The following WNK1 variants were observed in gnomAD, a reference collection of about 807,000 sequenced individuals.
WNK1 encodes serine/threonine-protein kinase WNK1.
In WNK1, 38 loss-of-function variants were observed where a neutral mutation model predicts 222.8. That is an observed-to-expected ratio of 0.17 (90% CI 0.13 to 0.22). WNK1 has a LOEUF of 0.22. WNK1 is among the 10% of genes least tolerant of loss of function. The pLI, the probability that WNK1 is intolerant of heterozygous loss-of-function variation, is 1.00. For synonymous variants in WNK1, 1,090 were observed against 1,092.9 expected, an observed-to-expected ratio of 1.00 and a Z score of 0.05; for missense variants, 2,348 against 2,918.4, an observed-to-expected ratio of 0.80 and a Z score of 4.50.
chr12:844,170 C>T (rs770333507), intron 4 of WNK1, among the ~76,000 whole-genome samples: 23 of 151,332 alleles, frequency 1.5e-4, no homozygotes, highest in Non-Finnish European at 2.8e-4. Flanking sequence ...CTTGCTCTGT[C>T]GCCCAGGCTG....
At chr12:776,412 TTGTG>T (rs59148357) in intron 1 of WNK1, among the ~76,000 whole-genome samples, 9,505 of 146,136 alleles carry the variant, frequency 0.065, 363 homozygotes, top group African/African-American at 0.083. Flanking sequence ...GTTTGTGTGT[TTGTG>T]TGTGTGTGTG....
chr12:861,784 C>T (rs1317817850), intron 7 of WNK1, among the ~76,000 whole-genome samples: 1 of 152,148 alleles, frequency 6.6e-6, no homozygotes, highest in Non-Finnish European at 1.5e-5. Context: ...ATACTGAGAA[C>T]CTCCTGGCCT....
At chr12:755,766 G>C (rs190981558) in intron 1 of WNK1, among the ~76,000 whole-genome samples, 81 of 152,304 alleles carry the variant, frequency 5.3e-4, no homozygotes, top group African/African-American at 1.8e-3. Flanking sequence ...CACGGGGTTA[G>C]GAGTTCGAGA....
At chr12:861,933 C>A in intron 7 of WNK1, 150 bp from the exon 8 acceptor site, 1 of 876,638 alleles carries the variant, frequency 1.1e-6, no homozygotes, top group Non-Finnish European at 1.8e-6. Context: ...CTGAATATGG[C>A]TACAATTCAT....
At position 911,094 on chromosome 12, in the gene WNK1, G is replaced by A; in HGVS notation, c.*2302G>A. On this transcript the variant is annotated 3_prime_UTR_variant, in exon 28 of 28. Transcript: ENST00000315939. ...TCATACACAAAAAAAGTCAGAACTG[G>A]TGTTATTTACTGTTGATTTCATCCT... 1 of 391,970 alleles carries A rather than the reference G, an allele frequency of 2.6e-6. No homozygotes were observed. Among genetic ancestry groups the A allele is most frequent in the Non-Finnish European group, 4.5e-6 (1 of 222,752 alleles). The allele number at this position is 391,970 out of a possible 1,614,324, so 24.3% of individuals were successfully genotyped here. A position where few individuals can be genotyped will look rare whatever the true frequency, so the allele number is the denominator to read the frequency against.
chr12:809,288 T>G (rs1208739203), intron 1 of WNK1, among the ~76,000 whole-genome samples: 5 of 144,294 alleles, frequency 3.5e-5, no homozygotes, highest in Non-Finnish European at 7.5e-5. Context: ...TATTTCAGAA[T>G]GATAGGTAAA....
chr12:849,395 C>T (rs1950254760), intron 4 of WNK1, among the ~76,000 whole-genome samples: 1 of 152,152 alleles, frequency 6.6e-6, no homozygotes. Context: ...GCTGTTTCTA[C>T]AATCTTTGTT....
chr12:855,530 A>G (rs1210350704), intron 4 of WNK1, among the ~76,000 whole-genome samples: 2 of 152,178 alleles, frequency 1.3e-5, no homozygotes, highest in Non-Finnish European at 2.9e-5. Flanking sequence ...CATTTCTGTG[A>G]TTTATTAGTC....
At chr12:825,989 A>G (rs1185522909) in intron 2 of WNK1, among the ~76,000 whole-genome samples, 2 of 152,140 alleles carry the variant, frequency 1.3e-5, no homozygotes, top group African/African-American at 4.8e-5. Context: ...TTCTTTTAGC[A>G]TACTTGGGCT....
At chr12:807,006 C>A (rs757321680) in intron 1 of WNK1, among the ~76,000 whole-genome samples, 1 of 152,058 alleles carries the variant, frequency 6.6e-6, no homozygotes, top group Non-Finnish European at 1.5e-5. Context: ...TGGGCTAGAT[C>A]TCCCTATAAA....
chr12:841,825 G>A (rs1949650377), intron 4 of WNK1, among the ~76,000 whole-genome samples: 1 of 152,112 alleles, frequency 6.6e-6, no homozygotes, highest in African/African-American at 2.4e-5. Context: ...CATATTATAA[G>A]GGCAGTAATC....
intron 27 of WNK1, chr12:908,266 C>G: frequency 1.3e-6 from 1 of 748,794 alleles, no homozygotes; most frequent in Non-Finnish European, 2.2e-6. Flanking sequence ...TCATCCTCAA[C>G]TACACACACA....
At chr12:767,923 C>T (rs980573111) in intron 1 of WNK1, among the ~76,000 whole-genome samples, 11 of 152,198 alleles carry the variant, frequency 7.2e-5, no homozygotes, top group African/African-American at 2.4e-4. Context: ...GCTTCAACGA[C>T]GTAACTGAGA....
intron 1 of WNK1, among the ~76,000 whole-genome samples, chr12:811,731 T>C (rs1185130540): frequency 6.6e-6 from 1 of 152,146 alleles, no homozygotes; most frequent in Admixed American, 6.6e-5. Context: ...TATTCAGTTA[T>C]AGATGGAACA....
At position 794,570 on chromosome 12, in the gene WNK1, G is replaced by T. The variant is rs141444982; in HGVS notation, c.760-19072G>T. Among the ~76,000 whole-genome samples the T allele has an allele frequency of 4.7e-3, 708 of 150,962 alleles. 7 individuals are homozygous for T. The highest frequency in any genetic ancestry group is 0.016 in the African/African-American group (665 of 41,104). ...TTTTTCTGTGTCTATGGAGATAATC[G>T]TATGGGCTTTGTACTGTATGGGGTG... On this transcript the variant is annotated intron_variant, in intron 1 of 27. Coordinates refer to ENST00000315939, the MANE Select transcript of WNK1 (RefSeq NM_018979.4).
chr12:862,152 C>G lies in WNK1; in HGVS notation c.2021C>G (p.Thr674Arg), dbSNP rs1249953042. ...GAATCTCGAGTGAGCAGCCAACAGA[C>G]AGTTTCATATGGTTCCCAACATGAA... ...FTESRVSSQQTVSYGSQHEQA... is the reference protein window; with the variant it reads ...FTESRVSSQQRVSYGSQHEQA... Residue 674 changes from threonine to arginine, a missense_variant, in exon 8 of 28, where the codon ACA (threonine) becomes AGA (arginine). Coordinates refer to ENST00000315939, the MANE Select transcript of WNK1 (RefSeq NM_018979.4). 3 of 1,613,948 alleles carry G rather than the reference C, an allele frequency of 1.9e-6. No individual in the cohort carries two copies. In the Admixed American group the frequency reaches 5.0e-5, roughly 27 times the overall value.
intron 1 of WNK1, among the ~76,000 whole-genome samples, chr12:810,905 C>T (rs1946845543): frequency 6.6e-6 from 1 of 152,096 alleles, no homozygotes; most frequent in Non-Finnish European, 1.5e-5. Context: ...TGGAACTGTG[C>T]ATGTTATGAA....
chr12:883,458 A>G lies in WNK1; in HGVS notation c.3553A>G (p.Ile1185Val). Residue 1185 changes from isoleucine (I) to valine (V), a missense_variant, in exon 16 of 28, where the codon ATT becomes GTT. Coordinates refer to ENST00000315939, the MANE Select transcript of WNK1 (RefSeq NM_018979.4). Reference protein sequence around the residue: ...ESFVDQVREIIEKADEMLSED... With the variant: ...ESFVDQVREIVEKADEMLSED... ...GTTTGTGGATCAAGTGCGAGAAATT[A>G]TTGAAAAAGCTGATGAAATGCTCAG... 1 of 1,614,142 alleles carries G rather than the reference A, an allele frequency of 6.2e-7. No individual in the cohort carries two copies. Among genetic ancestry groups the G allele is most frequent in the Non-Finnish European group, 8.5e-7 (1 of 1,179,996 alleles).
chr12:892,990 C>T (rs1383239620), intron 22 of WNK1, among the ~76,000 whole-genome samples: 2 of 152,206 alleles, frequency 1.3e-5, no homozygotes, highest in Admixed American at 6.5e-5. Flanking sequence ...CATGGTGGCT[C>T]ACACCTCTAA....
Sources: allele counts gnomAD v4.1 joint callset (sites outside exome capture counted in the v4.1 genomes callset), GRCh38; gene constraint gnomAD v4.1.1; transcripts MANE v1.5; gene names NCBI Gene and HGNC (gene_info 2026-07-23, HGNC 2026-07-21).